Variants in RIMS1 observed in about 807,000 individuals in gnomAD.
The protein encoded by RIMS1 is regulating synaptic membrane exocytosis 1.
A neutral mutation model predicts 214.1 loss-of-function variants in RIMS1; 83 were observed. The observed-to-expected ratio is 0.39, with a 90% CI of 0.32 to 0.47. The LOEUF (loss-of-function observed/expected upper bound fraction) is 0.47, where lower values mean the gene tolerates loss of function less well. RIMS1 is among the 20% of genes least tolerant of loss of function. The pLI is 0.99. For synonymous variants in RIMS1, 793 were observed against 786.8 expected (o/e 1.01, Z -0.13); for missense variants, 2,050 against 2,161.8 (o/e 0.95, Z 1.03).
intron 1 of RIMS1, among the ~76,000 whole-genome samples, chr6:71,947,128 A>T (rs1371105081): frequency 1.3e-5 from 2 of 152,020 alleles, no homozygotes; most frequent in African/African-American, 4.8e-5. Context: ...TATAAAAAAG[A>T]TGAATGGTAA....
intron 2 of RIMS1, among the ~76,000 whole-genome samples, chr6:71,983,808 T>C (rs1749298259): frequency 6.6e-6 from 1 of 152,220 alleles, no homozygotes; most frequent in South Asian, 2.1e-4. Flanking sequence ...ATGAAGAAGC[T>C]ACTTACATAG....
rs544289219 is a variant in RIMS1, at chr6:72,342,823, A to C, written c.4366+8988A>C. Among the ~76,000 whole-genome samples the C allele has an allele frequency of 3.3e-5, 5 of 151,990 alleles. No individual in the cohort carries two copies. In the South Asian group the frequency reaches 1.0e-3, roughly 31 times the overall value. ...AGAACACAAGTTTATTCTTGGAGAC[A>C]GAGAAGGTTGATTTTTTTCCTTGAG... On this transcript the variant is annotated intron_variant, in intron 29 of 33. Transcript: ENST00000521978.
intron 4 of RIMS1, among the ~76,000 whole-genome samples, chr6:72,131,314 A>G (rs1339821320): frequency 6.6e-6 from 1 of 152,222 alleles, no homozygotes; most frequent in East Asian, 1.9e-4. Flanking sequence ...TGTCAATAAT[A>G]TCATAAAGTT....
intron 2 of RIMS1, among the ~76,000 whole-genome samples, chr6:72,011,161 C>G (rs1440999075): frequency 6.6e-6 from 1 of 152,150 alleles, no homozygotes; most frequent in Non-Finnish European, 1.5e-5. Context: ...ACAGAGCCCT[C>G]AGGAATAAAG....
intron 4 of RIMS1, among the ~76,000 whole-genome samples, chr6:72,110,084 AT>A (rs1485140866): frequency 6.6e-6 from 1 of 152,142 alleles, no homozygotes; most frequent in Admixed American, 6.5e-5. Context: ...TACCAGTAGC[AT>A]GCTGTTTTGG....
At chr6:72,176,233 G>A (rs1395293013) in intron 4 of RIMS1, among the ~76,000 whole-genome samples, 8 of 152,106 alleles carry the variant, frequency 5.3e-5, no homozygotes. Flanking sequence ...AGGTGTGTTT[G>A]TGTGCTTTAA....
In RIMS1 at chr6:71,924,137, G is replaced by A. The variant is rs536824788; in HGVS notation, c.164+36950G>A. 2.6e-5 allele frequency among the ~76,000 whole-genome samples: 4 copies of A among 152,206 alleles called. 1 individual carries two copies. The highest frequency in any genetic ancestry group is 4.1e-4 in the South Asian group (2 of 4,824). ...TTGAAGTAGTTTTATTTTGCTATTG[G>A]ATAAATTCTACCATCAAAATATCTG... On this transcript the variant is annotated intron_variant, in intron 1 of 33. Transcript: ENST00000521978.
chr6:72,361,917 C>G (rs757502991), intron 29 of RIMS1, among the ~76,000 whole-genome samples: 1 of 152,174 alleles, frequency 6.6e-6, no homozygotes, highest in South Asian at 2.1e-4. Flanking sequence ...CATAGCATAA[C>G]ATGTTCATAG....
chr6:72,298,846 T>G (rs1400102768), intron 26 of RIMS1, among the ~76,000 whole-genome samples: 2 of 151,942 alleles, frequency 1.3e-5, no homozygotes, highest in Non-Finnish European at 2.9e-5. Context: ...GCCATACAGA[T>G]AACAAATCCT....
chr6:71,975,778 T>C (rs1295206629), intron 2 of RIMS1, among the ~76,000 whole-genome samples: 1 of 152,170 alleles, frequency 6.6e-6, no homozygotes, highest in Non-Finnish European at 1.5e-5. Flanking sequence ...TCTATATTTA[T>C]GAGTGTGCCT....
intron 1 of RIMS1, among the ~76,000 whole-genome samples, chr6:71,935,643 CTCTG>C (rs1383503909): frequency 6.6e-6 from 1 of 152,148 alleles, no homozygotes; most frequent in African/African-American, 2.4e-5. Flanking sequence ...CTATTTATTG[CTCTG>C]TCTGTCCTGT....
chr6:71,988,583 C>A (rs540269665), intron 2 of RIMS1, among the ~76,000 whole-genome samples: 45 of 152,166 alleles, frequency 3.0e-4, no homozygotes, highest in African/African-American at 9.6e-4. Flanking sequence ...TGAATGTCTA[C>A]CCATAGGAAA....
At chr6:72,271,429 ATTTGT>A (rs1025743563) in intron 22 of RIMS1, among the ~76,000 whole-genome samples, 20 of 151,326 alleles carry the variant, frequency 1.3e-4, no homozygotes, top group African/African-American at 2.4e-4. Context: ...CAGTTATCTC[ATTTGT>A]TTTGGTTTCT....
intron 1 of RIMS1, among the ~76,000 whole-genome samples, chr6:71,899,482 A>G (rs1476040747): frequency 1.3e-5 from 2 of 151,938 alleles, no homozygotes; most frequent in African/African-American, 4.8e-5. Context: ...GTATACACAC[A>G]CACACACAAA....
At chr6:72,192,786 A>G (rs1404341342) in intron 6 of RIMS1, among the ~76,000 whole-genome samples, 3 of 152,138 alleles carry the variant, frequency 2.0e-5, no homozygotes, top group Admixed American at 6.5e-5. Flanking sequence ...GAGGGCTGAA[A>G]GGCTAAGCCA....
intron 1 of RIMS1, among the ~76,000 whole-genome samples, chr6:71,890,527 A>C (rs984382880): frequency 1.3e-5 from 2 of 148,902 alleles, no homozygotes; most frequent in Non-Finnish European, 3.0e-5. Context: ...TGGGACCTAA[A>C]TCAGAGAAGA....
At chr6:72,183,647 G>C (rs1301473108) in intron 6 of RIMS1, among the ~76,000 whole-genome samples, 3 of 150,836 alleles carry the variant, frequency 2.0e-5, no homozygotes, top group Admixed American at 2.0e-4. Flanking sequence ...GGACAATACG[G>C]ATTTGAACTG....
intron 2 of RIMS1, among the ~76,000 whole-genome samples, chr6:72,084,160 G>A (rs1243045747): frequency 6.6e-6 from 1 of 152,122 alleles, no homozygotes; most frequent in Non-Finnish European, 1.5e-5. Flanking sequence ...TGCTCTTTAT[G>A]CATTAGTTAG....
intron 2 of RIMS1, among the ~76,000 whole-genome samples, chr6:72,038,109 AAAAAAAAAAATATATATATAT>A (rs1001823211): frequency 1.2e-5 from 1 of 81,900 alleles, no homozygotes; most frequent in East Asian, 3.1e-4. Context: ...AAAAAAAAAA[AAAAAAAAAAATATATATATAT>A]ATATATATAT....
Sources: gnomAD v4.1 joint callset for allele counts (sites outside exome capture counted in the v4.1 genomes callset) on GRCh38, gnomAD v4.1.1 for gene constraint, MANE v1.5 for transcripts, NCBI Gene and HGNC (gene_info 2026-07-23, HGNC 2026-07-21) for gene names.